CNTNAP2: variants seen among roughly 807,000 people sequenced by gnomAD.
CNTNAP2 encodes contactin associated protein 2, also known as contactin-associated protein-like 2.
Under a neutral mutation model 155.2 loss-of-function variants are expected in CNTNAP2, and 98 were observed. That is an observed-to-expected ratio of 0.63 (90% confidence interval 0.54 to 0.75). The LOEUF (loss-of-function observed/expected upper bound fraction) is 0.75, where lower values mean the gene tolerates loss of function less well. Among genes scored for constraint, CNTNAP2 ranks in the 30% least tolerant of loss-of-function variants. The pLI, the probability that CNTNAP2 is intolerant of heterozygous loss-of-function variation, is 0.00. For missense variants in CNTNAP2, 1,727 were observed against 1,688.1 expected, an observed-to-expected ratio of 1.02 and a Z score of -0.40; for synonymous variants, 651 against 631.2, an observed-to-expected ratio of 1.03 and a Z score of -0.47.
chr7:147,743,606 C>T (rs576270296), intron 13 of CNTNAP2, among the ~76,000 whole-genome samples: 24 of 152,300 alleles, frequency 1.6e-4, no homozygotes, highest in Middle Eastern at 3.4e-3. Flanking sequence ...TGCGTTTCTG[C>T]TTTATTCCGG....
chr7:147,604,352 A>G (rs1426336705), intron 12 of CNTNAP2, among the ~76,000 whole-genome samples: 2 of 152,278 alleles, frequency 1.3e-5, no homozygotes, highest in Admixed American at 1.3e-4. Flanking sequence ...TCCAGAATCT[A>G]CAAAGAACTC....
chr7:146,502,897 G>C lies in CNTNAP2; in HGVS notation c.98-271374G>C, dbSNP rs150118777. On this transcript the variant is annotated intron_variant, in intron 1 of 23. Transcript: ENST00000361727. ...ACCAAAGTGCTGGGATTACAGGCAA[G>C]AGCCGCCTCAAACTGCCATCATTGT... Among the ~76,000 whole-genome samples, 793 of 152,316 alleles carry C rather than the reference G, an allele frequency of 5.2e-3. 2 individuals are homozygous for C. The highest frequency in any genetic ancestry group is 0.017 in the African/African-American group (713 of 41,568).
intron 14 of CNTNAP2, among the ~76,000 whole-genome samples, chr7:147,939,856 C>A (rs926733290): frequency 6.6e-6 from 1 of 152,202 alleles, no homozygotes; most frequent in Non-Finnish European, 1.5e-5. Flanking sequence ...ATCCCCCATA[C>A]AAAAAGTTTC....
intron 14 of CNTNAP2, among the ~76,000 whole-genome samples, chr7:147,925,622 C>T (rs185722854): frequency 1.1e-4 from 17 of 151,930 alleles, no homozygotes; most frequent in Non-Finnish European, 1.8e-4. Flanking sequence ...GCCCGCCACT[C>T]GGCTAATTTT....
chr7:147,145,494 C>G (rs1055668826), intron 8 of CNTNAP2, among the ~76,000 whole-genome samples: 1 of 152,128 alleles, frequency 6.6e-6, no homozygotes, highest in Non-Finnish European at 1.5e-5. Context: ...GGTTGACCAC[C>G]CTGACCTGAA....
chr7:146,360,804 T>A (rs1795070944), intron 1 of CNTNAP2, among the ~76,000 whole-genome samples: 1 of 152,094 alleles, frequency 6.6e-6, no homozygotes, highest in African/African-American at 2.4e-5. Flanking sequence ...TCTCCAGGTG[T>A]TTTTCACTAT....
At chr7:147,187,691 C>G (rs12666338) in intron 8 of CNTNAP2, among the ~76,000 whole-genome samples, 59,301 of 151,970 alleles carry the variant, frequency 0.39, 12,402 homozygotes, top group East Asian at 0.61. Context: ...ACCTTAGCAT[C>G]ACACTATATA....
At chr7:146,483,053 G>T (rs1313387753) in intron 1 of CNTNAP2, among the ~76,000 whole-genome samples, 1 of 151,218 alleles carries the variant, frequency 6.6e-6, no homozygotes, top group Non-Finnish European at 1.5e-5. Context: ...GAGGCAGGCG[G>T]ATCATGAGGT....
chr7:147,866,540 T>C (rs1799232323), intron 13 of CNTNAP2, among the ~76,000 whole-genome samples: 1 of 152,148 alleles, frequency 6.6e-6, no homozygotes, highest in Non-Finnish European at 1.5e-5. Flanking sequence ...CCCATTATTA[T>C]TGTGTGGGAG....
chr7:146,970,550 G>C (rs751882589), intron 3 of CNTNAP2, among the ~76,000 whole-genome samples: 39 of 152,150 alleles, frequency 2.6e-4, no homozygotes, highest in Non-Finnish European at 5.3e-4. Context: ...TCAATAAAAA[G>C]TCAGGAAACA....
rs191556199 is a variant in CNTNAP2 at position 146,739,037 on chromosome 7, G to A, written c.98-35234G>A. On this transcript the variant is annotated intron_variant, in intron 1 of 23. Coordinates refer to ENST00000361727, the MANE Select transcript of CNTNAP2 (RefSeq NM_014141.6). Reference sequence around the variant, plus strand: ...GTCTTTCTCTTTCTGCCTTTCTTAGGCTAACTAAAGATTTGTTGATTTTGT... The same window carrying A: ...GTCTTTCTCTTTCTGCCTTTCTTAGACTAACTAAAGATTTGTTGATTTTGT... Among the ~76,000 whole-genome samples, 1,460 of 151,292 alleles carry A rather than the reference G, an allele frequency of 9.7e-3. 100 individuals carry two copies. The highest frequency in any genetic ancestry group is 0.092 in the Admixed American group (1,393 of 15,182).
chr7:147,231,344 G>A (rs1283167502), intron 8 of CNTNAP2, among the ~76,000 whole-genome samples: 1 of 152,186 alleles, frequency 6.6e-6, no homozygotes, highest in Non-Finnish European at 1.5e-5. Context: ...CTGACACTTA[G>A]GTTGTTTCTA....
At chr7:146,215,739 G>C (rs1165246080) in intron 1 of CNTNAP2, among the ~76,000 whole-genome samples, 2 of 152,126 alleles carry the variant, frequency 1.3e-5, no homozygotes, top group Non-Finnish European at 2.9e-5. Context: ...GGGGAAATGT[G>C]TTATATCTAG....
At chr7:146,136,055 G>A (rs1184102697) in intron 1 of CNTNAP2, among the ~76,000 whole-genome samples, 2 of 152,066 alleles carry the variant, frequency 1.3e-5, no homozygotes, top group African/African-American at 2.4e-5. Context: ...TGTTTGTAAA[G>A]CACACATTCA....
chr7:147,901,353 A>G (rs995052828), intron 13 of CNTNAP2, among the ~76,000 whole-genome samples: 6 of 152,180 alleles, frequency 3.9e-5, no homozygotes, highest in African/African-American at 1.4e-4. Context: ...TATTTTCAGG[A>G]TAAAGTTCAA....
At chr7:147,001,237 T>C (rs1233035479) in intron 3 of CNTNAP2, among the ~76,000 whole-genome samples, 1 of 152,058 alleles carries the variant, frequency 6.6e-6, no homozygotes, top group Admixed American at 6.6e-5. Flanking sequence ...TTGTGAGATA[T>C]TTTTACCTAT....
At chr7:147,859,571 A>G (rs1799103058) in intron 13 of CNTNAP2, among the ~76,000 whole-genome samples, 1 of 152,194 alleles carries the variant, frequency 6.6e-6, no homozygotes, top group Admixed American at 6.5e-5. Context: ...AGTTTTCCTC[A>G]ATGTCAGTTT....
chr7:148,305,222 CAAAAAAA>C (rs34005083), intron 21 of CNTNAP2, among the ~76,000 whole-genome samples: 148 of 51,934 alleles, frequency 2.8e-3, no homozygotes, highest in African/African-American at 9.9e-3. Flanking sequence ...GGCCCTGTCT[CAAAAAAA>C]AAAAAAAAAA....
At chr7:146,236,240 C>G (rs1416973884) in intron 1 of CNTNAP2, among the ~76,000 whole-genome samples, 1 of 151,844 alleles carries the variant, frequency 6.6e-6, no homozygotes, top group Non-Finnish European at 1.5e-5. Flanking sequence ...CCGCTGTGTA[C>G]TATTAAAAAA....
Sources: gnomAD v4.1 joint callset for allele counts (sites outside exome capture counted in the v4.1 genomes callset) on GRCh38, gnomAD v4.1.1 for gene constraint, MANE v1.5 for transcripts, NCBI Gene and HGNC (gene_info 2026-07-23, HGNC 2026-07-21) for gene names.